Variants in SPATA13 observed in about 807,000 individuals in gnomAD.
SPATA13 encodes the protein spermatogenesis-associated protein 13.
In SPATA13, 50 loss-of-function variants were observed where a neutral mutation model predicts 104.0. The observed-to-expected ratio is 0.48, with a 90% CI of 0.38 to 0.61. SPATA13 has a LOEUF of 0.61. SPATA13 is among the 20% of genes least tolerant of loss of function. SPATA13 has a pLI of 0.00. For missense variants in SPATA13, 1,524 were observed against 1,690.6 expected (o/e 0.90, Z 1.73); for synonymous variants, 606 against 667.5 (o/e 0.91, Z 1.42).
chr13:24,299,461 C>A (rs188231813), intron 11 of SPATA13, among the ~76,000 whole-genome samples: 1 of 152,212 alleles, frequency 6.6e-6, no homozygotes, highest in African/African-American at 2.4e-5. Flanking sequence ...GTAGAAGCTT[C>A]AGGTAGCAGA....
At chr13:24,193,040 A>C (rs1869859394) in intron 1 of SPATA13, among the ~76,000 whole-genome samples, 1 of 152,200 alleles carries the variant, frequency 6.6e-6, no homozygotes, top group African/African-American at 2.4e-5. Flanking sequence ...GTGGGCTGAG[A>C]GCCCTGGGGG....
At chr13:24,262,135 G>T (rs1874088633) in intron 4 of SPATA13, among the ~76,000 whole-genome samples, 1 of 152,146 alleles carries the variant, frequency 6.6e-6, no homozygotes, top group South Asian at 2.1e-4. Context: ...CATTTAGGAA[G>T]TAGGGGAATT....
Position 24,018,743 on chromosome 13 carries a change from A to AT in SPATA13, c.-112+1050dup, listed in dbSNP as rs570233196. Among the ~76,000 whole-genome samples the AT allele has an allele frequency of 1.3e-3, 198 of 152,034 alleles. 1 individual carries two copies. Among genetic ancestry groups the AT allele is most frequent in the African/African-American group, 4.3e-3 (178 of 41,474 alleles). ...GTCCTGTGTTTTACTTAACTGATGC[A>AT]TTTTTTTTGAAATTTTTAACTATTC... On this transcript the variant is annotated intron_variant, in intron 3 of 14. Transcript: ENST00000424834.
rs1036719924 is a variant in SPATA13, at chr13:24,072,020, C to T, written c.-112+54319C>T. On this transcript the variant is annotated intron_variant, in intron 3 of 14. Coordinates refer to the SPATA13 transcript ENST00000424834. Reference sequence around the variant, plus strand: ...TGTATTAATAATTCAATCCATATGCCGTCTTCTCATTTTTGTAGAAGATAA... The same window carrying T: ...TGTATTAATAATTCAATCCATATGCTGTCTTCTCATTTTTGTAGAAGATAA... Among the ~76,000 whole-genome samples the T allele has an allele frequency of 4.6e-5, 7 of 152,194 alleles. No individual in the cohort carries two copies. The South Asian group carries it at 6.2e-4, about 14-fold the overall frequency.
intron 1 of SPATA13, among the ~76,000 whole-genome samples, chr13:23,983,314 G>T (rs1339372693): frequency 1.3e-5 from 2 of 152,230 alleles, no homozygotes; most frequent in East Asian, 3.9e-4. Flanking sequence ...CTTCTATATT[G>T]TCTGTGTCCT....
chr13:24,284,854 G>T (rs1023322866), intron 5 of SPATA13, among the ~76,000 whole-genome samples: 2 of 152,114 alleles, frequency 1.3e-5, no homozygotes, highest in African/African-American at 4.8e-5. Context: ...TCTCACAACT[G>T]ATCTAAGAAG....
intron 3 of SPATA13, among the ~76,000 whole-genome samples, chr13:24,140,358 GAC>G: frequency 6.6e-6 from 1 of 152,304 alleles, no homozygotes; most frequent in Admixed American, 6.5e-5. Flanking sequence ...TGCCCCAGCA[GAC>G]AGAGAGGATA....
intron 4 of SPATA13, among the ~76,000 whole-genome samples, chr13:24,265,276 G>A (rs773968794): frequency 8.5e-5 from 13 of 152,140 alleles, no homozygotes; most frequent in East Asian, 3.9e-4. Context: ...GCATCTACCC[G>A]GCTCATCAGT....
chr13:24,020,061 G>A (rs1381882911), intron 3 of SPATA13, among the ~76,000 whole-genome samples: 4 of 152,090 alleles, frequency 2.6e-5, no homozygotes. Context: ...TCTATCTTAG[G>A]AAGTCCACCT....
chr13:24,111,705 C>G (rs559524159), intron 3 of SPATA13, among the ~76,000 whole-genome samples: 1 of 152,362 alleles, frequency 6.6e-6, no homozygotes, highest in South Asian at 2.1e-4. Context: ...CATGCCCGGC[C>G]TGCGTCCATA....
intron 3 of SPATA13, among the ~76,000 whole-genome samples, chr13:24,146,407 G>A (rs7334441): frequency 0.72 from 109,221 of 152,214 alleles, 39,801 homozygotes; most frequent in Non-Finnish European, 0.77. Context: ...CCTTGTGATC[G>A]TTAGCTGCTT....
intron 3 of SPATA13, among the ~76,000 whole-genome samples, chr13:24,084,298 G>A (rs1385474391): frequency 1.3e-5 from 2 of 152,232 alleles, no homozygotes; most frequent in Non-Finnish European, 1.5e-5. Flanking sequence ...GGGTCTCTGT[G>A]CTTGCAGTTC....
In SPATA13 at chr13:24,220,849, A is replaced by G. The variant is rs2027436; in HGVS notation, c.-111-1970A>G. 0.017 allele frequency among the ~76,000 whole-genome samples: 2,536 copies of G among 152,338 alleles called. 133 individuals carry two copies. The East Asian group carries it at 0.18, about 11-fold the overall frequency. On this transcript the variant is annotated intron_variant, in intron 1 of 12. Coordinates refer to ENST00000382108, the MANE Select transcript of SPATA13 (RefSeq NM_001166271.3). Reference sequence around the variant, plus strand: ...AAATGATGTAGGGGCAAATAAAAATAGAACCCATCAAGAACATGGGGCGTA... The same window carrying G: ...AAATGATGTAGGGGCAAATAAAAATGGAACCCATCAAGAACATGGGGCGTA...
At chr13:24,165,036 T>C (rs1882665287) in intron 1 of SPATA13, among the ~76,000 whole-genome samples, 1 of 152,178 alleles carries the variant, frequency 6.6e-6, no homozygotes. Flanking sequence ...GTTGTGGCCA[T>C]GTGCTGTGGT....
chr13:24,073,149 G>A (rs1879225160), intron 3 of SPATA13, among the ~76,000 whole-genome samples: 3 of 152,136 alleles, frequency 2.0e-5, no homozygotes, highest in Admixed American at 2.0e-4. Context: ...TTGAAGTGTA[G>A]AAGATTGTAT....
chr13:24,284,212 C>T lies in SPATA13; in HGVS notation c.2242C>T (p.Leu748Phe). The change falls in exon 5 of 13, where the codon CTC (leucine) becomes TTC (phenylalanine). Residue 748 changes from leucine to phenylalanine, a missense_variant. Leu to Phe is a conservative substitution (Grantham distance 22, BLOSUM62 0). Coordinates refer to ENST00000382108, the MANE Select transcript of SPATA13 (RefSeq NM_001166271.3). ...TGAGGAGGACTTCAGCTATGAAGAC[C>T]TCTGCCAGGCCAGCCCTCGGTACCT... ...GSEEDFSYED[L>F]CQASPRYLQP... The T allele has an allele frequency of 6.2e-7, 1 of 1,613,770 alleles. No individual in the cohort carries two copies. The highest frequency in any genetic ancestry group is 8.5e-7 in the Non-Finnish European group (1 of 1,179,912).
intron 3 of SPATA13, among the ~76,000 whole-genome samples, chr13:24,112,437 A>T: frequency 6.6e-6 from 1 of 152,184 alleles, no homozygotes; most frequent in East Asian, 1.9e-4. Context: ...AGCTCAGTAT[A>T]CACTGTGCTT....
At chr13:24,186,886 T>G (rs1005445775) in intron 1 of SPATA13, among the ~76,000 whole-genome samples, 6 of 152,220 alleles carry the variant, frequency 3.9e-5, no homozygotes, top group Non-Finnish European at 8.8e-5. Context: ...TTGGTGAATT[T>G]ATTAAGAAGT....
intron 3 of SPATA13, among the ~76,000 whole-genome samples, chr13:24,130,397 G>A (rs2137834211): frequency 6.6e-6 from 1 of 152,312 alleles, no homozygotes; most frequent in South Asian, 2.1e-4. Flanking sequence ...CACAGTCTAG[G>A]ACCCAGCCGA....
Sources: gnomAD v4.1 joint callset for allele counts (sites outside exome capture counted in the v4.1 genomes callset) on GRCh38, gnomAD v4.1.1 for gene constraint, MANE v1.5 for transcripts, NCBI Gene and HGNC (gene_info 2026-07-23, HGNC 2026-07-21) for gene names.